NLGN1: variants seen among roughly 807,000 people sequenced by gnomAD.
NLGN1 encodes the protein neuroligin 1, also known as neuroligin-1.
A neutral mutation model predicts 65.5 loss-of-function variants in NLGN1; 12 were observed. That is an observed-to-expected ratio of 0.18 (90% CI 0.12 to 0.30). NLGN1 has a LOEUF of 0.30. Ranked by LOEUF, NLGN1 falls within the 10% of genes least tolerant of loss-of-function variation. The pLI is 1.00. For synonymous variants in NLGN1, 350 were observed against 359.5 expected (o/e 0.97, Z 0.30); for missense variants, 750 against 1,007.1 (o/e 0.74, Z 3.46).
chr3:173,747,057 TATACACACAC>T (rs1454948937), intron 3 of NLGN1, among the ~76,000 whole-genome samples: 1,544 of 81,782 alleles, frequency 0.019, 24 homozygotes, highest in African/African-American at 0.063. Flanking sequence ...AAAAATTATA[TATACACACAC>T]ACACACACAC....
chr3:174,219,252 G>T (rs1334047717), intron 4 of NLGN1, among the ~76,000 whole-genome samples: 1 of 152,042 alleles, frequency 6.6e-6, no homozygotes, highest in Non-Finnish European at 1.5e-5. Context: ...GTAAAGTGGG[G>T]ATGGCAAGGA....
At chr3:173,612,517 G>A (rs1012921329) in intron 3 of NLGN1, among the ~76,000 whole-genome samples, 1 of 151,982 alleles carries the variant, frequency 6.6e-6, no homozygotes, top group Non-Finnish European at 1.5e-5. Context: ...TCCTTGGCTT[G>A]TAGTTGCATC....
At chr3:173,460,311 C>T (rs1214148524) in intron 2 of NLGN1, among the ~76,000 whole-genome samples, 1 of 152,000 alleles carries the variant, frequency 6.6e-6, no homozygotes, top group Non-Finnish European at 1.5e-5. Context: ...TAATACTACC[C>T]ACATGACCCT....
At chr3:173,965,644 T>C (rs1211875110) in intron 4 of NLGN1, among the ~76,000 whole-genome samples, 1 of 152,068 alleles carries the variant, frequency 6.6e-6, no homozygotes, top group Non-Finnish European at 1.5e-5. Context: ...TTTATTATCA[T>C]CTCAAAGGTA....
intron 1 of NLGN1, among the ~76,000 whole-genome samples, chr3:173,409,235 T>G (rs1711991807): frequency 6.6e-6 from 1 of 152,194 alleles, no homozygotes; most frequent in South Asian, 2.1e-4. Context: ...CCTGCTACAC[T>G]CAGGTTTGCA....
intron 4 of NLGN1, among the ~76,000 whole-genome samples, chr3:174,272,277 G>C (rs968384195): frequency 1.3e-4 from 19 of 151,776 alleles, no homozygotes; most frequent in Admixed American, 1.1e-3. Context: ...AAATGGTTGT[G>C]CTGTTAAGGA....
intron 3 of NLGN1, among the ~76,000 whole-genome samples, chr3:173,615,785 A>C (rs1001812899): frequency 6.6e-6 from 1 of 151,374 alleles, no homozygotes; most frequent in Non-Finnish European, 1.5e-5. Context: ...TACCTATACA[A>C]ATCTCTTTAA....
chr3:173,967,890 G>A (rs1040929276), intron 4 of NLGN1, among the ~76,000 whole-genome samples: 1 of 152,116 alleles, frequency 6.6e-6, no homozygotes, highest in South Asian at 2.1e-4. Context: ...CTAGCATGAA[G>A]TCTTCCCAAA....
chr3:173,718,996 C>T (rs772960357), intron 3 of NLGN1, among the ~76,000 whole-genome samples: 1 of 152,172 alleles, frequency 6.6e-6, no homozygotes, highest in African/African-American at 2.4e-5. Flanking sequence ...CATACCACTG[C>T]CATTTTCCTT....
chr3:173,479,588 C>G (rs1576891854), intron 2 of NLGN1, among the ~76,000 whole-genome samples: 1 of 152,258 alleles, frequency 6.6e-6, no homozygotes, highest in Non-Finnish European at 1.5e-5. Flanking sequence ...TCTTCCACTC[C>G]CAGTGTTGGT....
At chr3:173,943,172 AACTGTAATGGCACCACTGC>A (rs1746461765) in intron 4 of NLGN1, among the ~76,000 whole-genome samples, 1 of 152,034 alleles carries the variant, frequency 6.6e-6, no homozygotes, top group African/African-American at 2.4e-5. Flanking sequence ...GGCTGTAGTG[AACTGTAATGGCACCACTGC>A]ACTCCAGCCT....
intron 2 of NLGN1, among the ~76,000 whole-genome samples, chr3:173,539,481 G>A (rs1738077330): frequency 7.0e-6 from 1 of 143,300 alleles, no homozygotes; most frequent in South Asian, 2.2e-4. Flanking sequence ...ATACGCATAT[G>A]CATGTATATG....
chr3:173,966,593 C>CTT (rs1236269158), intron 4 of NLGN1, among the ~76,000 whole-genome samples: 4 of 152,308 alleles, frequency 2.6e-5, no homozygotes, highest in Admixed American at 2.6e-4. Context: ...ATACACATTT[C>CTT]TTACACTGAC....
chr3:173,526,260 A>G (rs1735627610), intron 2 of NLGN1, among the ~76,000 whole-genome samples: 1 of 151,858 alleles, frequency 6.6e-6, no homozygotes, highest in African/African-American at 2.4e-5. Flanking sequence ...TACGTTGGGA[A>G]TATATATATT....
At chr3:173,447,685 C>A (rs1356682606) in intron 2 of NLGN1, among the ~76,000 whole-genome samples, 1 of 152,154 alleles carries the variant, frequency 6.6e-6, no homozygotes, top group Non-Finnish European at 1.5e-5. Flanking sequence ...ATTCTTCCTA[C>A]CCATGAGCAT....
At chr3:173,491,632 A>T (rs968477820) in intron 2 of NLGN1, among the ~76,000 whole-genome samples, 2 of 151,072 alleles carry the variant, frequency 1.3e-5, no homozygotes, top group Admixed American at 6.6e-5. Context: ...CTTAATTAAT[A>T]TTTTTCTGGG....
chr3:174,112,477 A>G (rs572317710), intron 4 of NLGN1, among the ~76,000 whole-genome samples: 1 of 152,038 alleles, frequency 6.6e-6, no homozygotes, highest in South Asian at 2.1e-4. Context: ...TTCTGAACCG[A>G]TCACAGCAAC....
intron 1 of NLGN1, among the ~76,000 whole-genome samples, chr3:173,416,082 C>T (rs1029168327): frequency 7.9e-5 from 12 of 152,138 alleles, no homozygotes; most frequent in Non-Finnish European, 1.6e-4. Context: ...CAGATAAGGA[C>T]CTTGAAGCTC....
intron 2 of NLGN1, among the ~76,000 whole-genome samples, chr3:173,539,714 ATG>A (rs1738324654): frequency 7.8e-6 from 1 of 128,854 alleles, no homozygotes; most frequent in African/African-American, 3.1e-5. Flanking sequence ...ATATACATAT[ATG>A]TACATATGCA....
Sources: gnomAD v4.1 joint callset for allele counts (sites outside exome capture counted in the v4.1 genomes callset) on GRCh38, gnomAD v4.1.1 for gene constraint, MANE v1.5 for transcripts, NCBI Gene and HGNC (gene_info 2026-07-23, HGNC 2026-07-21) for gene names.